The following CHRNA2 variants were observed in gnomAD, a reference collection of about 807,000 sequenced individuals.
CHRNA2 encodes neuronal acetylcholine receptor subunit alpha-2.
Under a neutral mutation model 45.5 loss-of-function variants are expected in CHRNA2, and 40 were observed. The observed-to-expected ratio is 0.88, with a 90% CI of 0.68 to 1.15. The LOEUF is 1.15. CHRNA2 is among the 50% of genes most tolerant of loss of function. The pLI is 0.00. For missense variants in CHRNA2, 655 were observed against 701.7 expected, an observed-to-expected ratio of 0.93 and a Z score of 0.75; for synonymous variants, 301 against 296.7, an observed-to-expected ratio of 1.01 and a Z score of -0.15.
At position 27,460,627 on chromosome 8, in the gene CHRNA2, C is replaced by T. The variant is rs929349687; in HGVS notation, c.*1002G>A. The T allele has an allele frequency of 6.6e-6, 1 of 152,278 alleles. No individual in the cohort carries two copies. Among genetic ancestry groups the T allele is most frequent in the African/African-American group, 2.4e-5 (1 of 41,422 alleles). 9.4% of individuals were successfully genotyped at this position (152,278 alleles called of 1,614,324 possible). On this transcript the variant is annotated 3_prime_UTR_variant, in exon 7 of 7. Coordinates refer to ENST00000407991, the MANE Select transcript of CHRNA2 (RefSeq NM_000742.4). ...ATCTTCAACTCCCAAGTGAGGCCTC[C>T]TCCTGATGGAGCCAGGCACAGGGAA...
intron 6 of CHRNA2, among the ~76,000 whole-genome samples, chr8:27,462,020 A>G (rs1339409464): frequency 6.6e-6 from 1 of 152,148 alleles, no homozygotes; most frequent in Non-Finnish European, 1.5e-5. Flanking sequence ...CTCCTAGACT[A>G]TAGGTAAAGG....
Position 27,462,994 on chromosome 8 carries a change from C to T in CHRNA2, c.1449G>A (p.Glu483=). 1 of 1,614,104 alleles carries T rather than the reference C, an allele frequency of 6.2e-7. No individual in the cohort carries two copies. Residue 483 remains glutamate, a synonymous_variant, in exon 6 of 7, where the codon GAG becomes GAA. Coordinates refer to ENST00000407991, the MANE Select transcript of CHRNA2 (RefSeq NM_000742.4). Reference sequence around the variant, plus strand: ...CCCAACGCACCGAAGAGTCAGCATCCTCAGACCGCAGGTGGTCGGCAATGT... The same window carrying T: ...CCCAACGCACCGAAGAGTCAGCATCTTCAGACCGCAGGTGGTCGGCAATGT... ...VHYIADHLRS[E]DADSSVKEDW...
At position 27,467,445 on chromosome 8, in the gene CHRNA2, A is replaced by G. The variant is rs145898029; in HGVS notation, c.340-107T>C. On this transcript the variant is annotated intron_variant, in intron 4 of 6. Transcript: ENST00000407991. ...GAATTGGGCCAAGCAGCCCCCTTGG[A>G]GCAGCCAGGGCTCCCCACCCAGCCC... 1.1e-4 allele frequency: 92 copies of G among 842,484 alleles called. No homozygotes were observed. The East Asian group carries it at 2.4e-3, about 22-fold the overall frequency. The allele number at this position is 842,484 out of a possible 1,614,324, so 52.2% of individuals were successfully genotyped here.
Position 27,471,061 on chromosome 8 carries a change from C to A in CHRNA2, c.-3G>T. 1 of 1,614,042 alleles carries A rather than the reference C, an allele frequency of 6.2e-7. No individual in the cohort carries two copies. The highest frequency in any genetic ancestry group is 8.5e-7 in the Non-Finnish European group (1 of 1,179,936). The stretch of plus-strand genomic sequence containing the variant: ...AACACAGGACAGGAGGGGCCCATGG[C>A]TTCTCCTGAGCATCAGGAGGTCAGG... On this transcript the variant is annotated 5_prime_UTR_variant, in exon 2 of 7. Transcript: ENST00000407991.
At chr8:27,467,198 T>C (rs748810147) in intron 5 of CHRNA2, 31 bp downstream of exon 5, 2 of 1,578,458 alleles carry the variant, frequency 1.3e-6, no homozygotes, top group South Asian at 1.1e-5. Context: ...TGGCCTCCCC[T>C]CATCCCCCCA....
At chr8:27,470,386 G>A (rs142210574) in intron 2 of CHRNA2, among the ~76,000 whole-genome samples, 56 of 152,260 alleles carry the variant, frequency 3.7e-4, no homozygotes, top group Non-Finnish European at 3.4e-4. Context: ...GCAGTCTCCC[G>A]TTCCCACCCA....
chr8:27,476,461 T>G lies in CHRNA2; in HGVS notation c.-137+2363A>C, dbSNP rs373468979. 5.3e-5 allele frequency among the ~76,000 whole-genome samples: 8 copies of G among 152,340 alleles called. No homozygotes were observed. The South Asian group carries it at 1.2e-3, about 24-fold the overall frequency. ...TGAGAGATGCTTGAGTTGTGTTGAG[T>G]TGAGTTTAGAGACCCTAGTGTTGTT... On this transcript the variant is annotated intron_variant, in intron 1 of 6. Transcript: ENST00000407991.
intron 5 of CHRNA2, among the ~76,000 whole-genome samples, chr8:27,464,540 G>C (rs1448410710): frequency 6.6e-6 from 1 of 152,156 alleles, no homozygotes; most frequent in Non-Finnish European, 1.5e-5. Flanking sequence ...GGGAAGGGGT[G>C]GGTGTGGCCA....
In CHRNA2 at chr8:27,460,245, G is replaced by A. The variant is rs2280376; in HGVS notation, c.*1384C>T. The A allele has an allele frequency of 0.23, 35,721 of 152,108 alleles. 4,643 individuals are homozygous for A. The highest frequency in any genetic ancestry group is 0.35 in the Middle Eastern group (102 of 294). 9.4% of individuals were successfully genotyped at this position (152,108 alleles called of 1,614,324 possible). ...AGAGTTGGGGGGAGGTCTGTTGCCC[G>A]ATCCCAGGAGCAGCAGCTCGGCCTG... is the stretch of plus-strand genomic sequence containing the variant. On this transcript the variant is annotated 3_prime_UTR_variant, in exon 7 of 7. Transcript: ENST00000407991.
intron 5 of CHRNA2, among the ~76,000 whole-genome samples, chr8:27,464,498 T>C (rs896142093): frequency 7.2e-5 from 11 of 152,002 alleles, no homozygotes; most frequent in African/African-American, 2.7e-4. Context: ...CCAAAGTTCG[T>C]GCGTGTTAGG....
intron 5 of CHRNA2, among the ~76,000 whole-genome samples, chr8:27,464,862 C>A (rs1812649319): frequency 1.3e-5 from 2 of 152,076 alleles, no homozygotes; most frequent in African/African-American, 2.4e-5. Context: ...AAAGTCCCTG[C>A]CTTTAAGGAG....
chr8:27,461,940 C>T (rs557529678), intron 6 of CHRNA2, among the ~76,000 whole-genome samples, 186 bp from the exon 7 acceptor site: 2 of 152,264 alleles, frequency 1.3e-5, no homozygotes, highest in East Asian at 1.9e-4. Flanking sequence ...TTTCAAGGCT[C>T]CAGTAAGCTC....
At position 27,477,007 on chromosome 8, in the gene CHRNA2, A is replaced by G. The variant is rs1237073207; in HGVS notation, c.-137+1817T>C. Reference sequence around the variant, plus strand: ...CCTTTCATGTAAGTAAAAAAAAAAAAAAACTGATGTTCAGAGAAGTTGACC... The same window carrying G: ...CCTTTCATGTAAGTAAAAAAAAAAAGAAACTGATGTTCAGAGAAGTTGACC... On this transcript the variant is annotated intron_variant, in intron 1 of 6. Coordinates refer to ENST00000407991, the MANE Select transcript of CHRNA2 (RefSeq NM_000742.4). 3.3e-5 allele frequency among the ~76,000 whole-genome samples: 5 copies of G among 152,314 alleles called. No homozygotes were observed. In the South Asian group the frequency reaches 1.0e-3, roughly 32 times the overall value.
At chr8:27,473,942 G>A (rs781245350) in intron 1 of CHRNA2, among the ~76,000 whole-genome samples, 29 of 152,156 alleles carry the variant, frequency 1.9e-4, no homozygotes, top group Non-Finnish European at 3.1e-4. Context: ...GGCAAATGTC[G>A]CTTTGAGTCC....
At chr8:27,461,782 G>C (rs764727014) in intron 6 of CHRNA2, 28 bp from the exon 7 acceptor site, 1 of 1,613,878 alleles carries the variant, frequency 6.2e-7, no homozygotes, top group South Asian at 1.1e-5. Context: ...CACAGTGACA[G>C]GGGCCAGGCC....
chr8:27,469,297 G>A (rs749863419), intron 4 of CHRNA2, 38 bp downstream of exon 4: 28 of 1,542,856 alleles, frequency 1.8e-5, no homozygotes, highest in South Asian at 7.2e-5. Flanking sequence ...ATGGATTCCC[G>A]GTACCCGCCA....
At position 27,461,580 on chromosome 8, in the gene CHRNA2, A is replaced by G. The variant is rs1179946078; in HGVS notation, c.*49T>C. 6.2e-7 allele frequency: 1 copy of G among 1,612,882 alleles called. No individual in the cohort carries two copies. Among genetic ancestry groups the G allele is most frequent in the South Asian group, 1.1e-5 (1 of 91,068 alleles). ...GAGGCAGCTGTAGCAGAGACGGTCAAAAGATGGTCAGCGGGGGTGCCCTGG... is the reference window on the plus strand; with the variant it reads ...GAGGCAGCTGTAGCAGAGACGGTCAGAAGATGGTCAGCGGGGGTGCCCTGG... On this transcript the variant is annotated 3_prime_UTR_variant, in exon 7 of 7. Transcript: ENST00000407991.
At chr8:27,466,624 GA>G (rs1812706638) in intron 5 of CHRNA2, among the ~76,000 whole-genome samples, 1 of 152,160 alleles carries the variant, frequency 6.6e-6, no homozygotes, top group African/African-American at 2.4e-5. Context: ...TCTAAGGGAA[GA>G]ATTGTCTGAT....
At chr8:27,474,379 C>T (rs1029757238) in intron 1 of CHRNA2, among the ~76,000 whole-genome samples, 6 of 152,096 alleles carry the variant, frequency 3.9e-5, no homozygotes, top group Admixed American at 3.9e-4. Context: ...TCTTCTGTTC[C>T]CTTGGGAGAA....
Sources: gnomAD v4.1 joint callset for allele counts (sites outside exome capture counted in the v4.1 genomes callset) on GRCh38, gnomAD v4.1.1 for gene constraint, MANE v1.5 for transcripts, NCBI Gene and HGNC (gene_info 2026-07-23, HGNC 2026-07-21) for gene names.